LPP: variants seen among roughly 807,000 people sequenced by gnomAD.
LPP encodes LIM domain containing preferred translocation partner in lipoma.
LPP carries 38 observed loss-of-function variants against 60.4 expected under a neutral mutation model. That is an observed-to-expected ratio of 0.63 (90% CI 0.49 to 0.83). LPP has a LOEUF of 0.83. LPP is among the 40% of genes least tolerant of loss of function. The pLI, the probability that LPP is intolerant of heterozygous loss-of-function variation, is 0.00. For missense variants in LPP, 902 were observed against 783.6 expected (o/e 1.15, Z -1.80); for synonymous variants, 328 against 290.8 (o/e 1.13, Z -1.30).
chr3:188,445,709 G>T (rs1387246801), intron 4 of LPP, among the ~76,000 whole-genome samples: 1 of 151,842 alleles, frequency 6.6e-6, no homozygotes, highest in Non-Finnish European at 1.5e-5. Flanking sequence ...AACTCATGAT[G>T]TGCCAGGCAC....
intron 6 of LPP, among the ~76,000 whole-genome samples, chr3:188,606,719 G>A (rs1276295907): frequency 6.6e-6 from 1 of 152,032 alleles, no homozygotes; most frequent in Non-Finnish European, 1.5e-5. Context: ...TACAGAGGAC[G>A]TGGAAAAGGC....
At chr3:188,662,235 T>C (rs1854741261) in intron 7 of LPP, among the ~76,000 whole-genome samples, 1 of 152,242 alleles carries the variant, frequency 6.6e-6, no homozygotes, top group South Asian at 2.1e-4. Flanking sequence ...ATTTGAGCAA[T>C]GTTTCTTGAA....
At chr3:188,413,283 A>T (rs932469790) in intron 4 of LPP, among the ~76,000 whole-genome samples, 1 of 152,134 alleles carries the variant, frequency 6.6e-6, no homozygotes, top group African/African-American at 2.4e-5. Context: ...CCTTTTCCCC[A>T]TGCAAAGAGA....
At chr3:188,821,232 A>C (rs1753878059) in intron 9 of LPP, among the ~76,000 whole-genome samples, 1 of 151,278 alleles carries the variant, frequency 6.6e-6, no homozygotes, top group African/African-American at 2.4e-5. Context: ...AGTTAAAAAG[A>C]AACATGTTTT....
chr3:188,498,317 A>C lies in LPP; in HGVS notation c.306+13613A>C, dbSNP rs373468773. On this transcript the variant is annotated intron_variant, in intron 5 of 11. Coordinates refer to ENST00000617246, the MANE Select transcript of LPP (RefSeq NM_001375462.1). ...CTTCAGAACTCATTTCATCTTGCAA[A>C]ACTGAACCTCTATACCGCTTCACCA... Among the ~76,000 whole-genome samples the C allele has an allele frequency of 1.1e-3, 169 of 152,152 alleles. 1 individual carries two copies. The highest frequency in any genetic ancestry group is 4.0e-3 in the African/African-American group (166 of 41,482).
intron 7 of LPP, among the ~76,000 whole-genome samples, chr3:188,651,444 A>G (rs905578074): frequency 4.6e-5 from 7 of 152,246 alleles, no homozygotes; most frequent in African/African-American, 1.7e-4. Flanking sequence ...TAGACGGGCA[A>G]GGGTAGAAAC....
chr3:188,384,066 A>G (rs866775148), intron 3 of LPP, among the ~76,000 whole-genome samples: 2 of 152,172 alleles, frequency 1.3e-5, no homozygotes, highest in Admixed American at 1.3e-4. Context: ...AGGATACCCA[A>G]CATATTGAAA....
At chr3:188,856,100 GAT>G (rs1204368129) in intron 9 of LPP, among the ~76,000 whole-genome samples, 1 of 152,184 alleles carries the variant, frequency 6.6e-6, no homozygotes, top group Non-Finnish European at 1.5e-5. Flanking sequence ...GTTGGACCTT[GAT>G]TACGGTTAAG....
At chr3:188,733,375 C>A (rs1721355758) in intron 8 of LPP, among the ~76,000 whole-genome samples, 1 of 151,878 alleles carries the variant, frequency 6.6e-6, no homozygotes, top group African/African-American at 2.4e-5. Flanking sequence ...TACAAAGCCT[C>A]TGTAGAAAAC....
At chr3:188,393,457 G>A (rs1271263619) in intron 3 of LPP, among the ~76,000 whole-genome samples, 1 of 152,102 alleles carries the variant, frequency 6.6e-6, no homozygotes, top group Non-Finnish European at 1.5e-5. Context: ...TGGAACTTCT[G>A]GGAGAGGACT....
At chr3:188,673,046 T>C (rs1857268821) in intron 7 of LPP, among the ~76,000 whole-genome samples, 1 of 152,058 alleles carries the variant, frequency 6.6e-6, no homozygotes, top group Admixed American at 6.6e-5. Context: ...TTAATGTGTG[T>C]GCAACATGGT....
chr3:188,608,942 C>G (rs1163746991), intron 6 of LPP, among the ~76,000 whole-genome samples: 2 of 151,858 alleles, frequency 1.3e-5, no homozygotes, highest in Admixed American at 6.6e-5. Flanking sequence ...TTTTTCCTTT[C>G]TTTCCTTTTC....
In LPP at chr3:188,365,116, G is replaced by A. The variant is rs900708732; in HGVS notation, c.-10+23397G>A. On this transcript the variant is annotated intron_variant, in intron 3 of 11. Transcript: ENST00000617246. ...GATGAGTTTTAAGGGTAATAGAAGCGCTTTTTTTTTTTTTTCTGGTGACCT... is the reference window on the plus strand; with the variant it reads ...GATGAGTTTTAAGGGTAATAGAAGCACTTTTTTTTTTTTTTCTGGTGACCT... Among the ~76,000 whole-genome samples the A allele has an allele frequency of 7.2e-5, 10 of 138,540 alleles. No homozygotes were observed. In the East Asian group the frequency reaches 7.3e-4, roughly 10 times the overall value. 90.9% of individuals were successfully genotyped at this position (138,540 alleles called of 152,430 possible). A position where few individuals can be genotyped will look rare whatever the true frequency, so the allele number is the denominator to read the frequency against.
intron 4 of LPP, among the ~76,000 whole-genome samples, chr3:188,430,117 G>C (rs551663366): frequency 6.6e-6 from 1 of 152,046 alleles, no homozygotes; most frequent in East Asian, 1.9e-4. Context: ...TTTATCTATA[G>C]CTTAATAAAT....
At chr3:188,872,070 A>G (rs1337793751) in intron 10 of LPP, among the ~76,000 whole-genome samples, 5 of 152,190 alleles carry the variant, frequency 3.3e-5, no homozygotes, top group Non-Finnish European at 5.9e-5. Flanking sequence ...AGACTTGGCC[A>G]CTTTTAAGTT....
intron 2 of LPP, among the ~76,000 whole-genome samples, chr3:188,332,921 C>T (rs1760536199): frequency 6.7e-6 from 1 of 149,438 alleles, no homozygotes; most frequent in African/African-American, 2.5e-5. Flanking sequence ...CACCCTCCCA[C>T]CCCAGTTGCA....
At chr3:188,367,548 A>C (rs1329706898) in intron 3 of LPP, among the ~76,000 whole-genome samples, 1 of 152,252 alleles carries the variant, frequency 6.6e-6, no homozygotes, top group Non-Finnish European at 1.5e-5. Flanking sequence ...AATAGAGTTA[A>C]ATGTACAAGT....
At chr3:188,809,873 G>T (rs145307178) in intron 9 of LPP, among the ~76,000 whole-genome samples, 4,504 of 152,168 alleles carry the variant, frequency 0.03, 74 homozygotes, top group Non-Finnish European at 0.032. Flanking sequence ...TGTGAGGAAG[G>T]GGTCCAGTTT....
chr3:188,478,083 C>A (rs2149592671), intron 4 of LPP, among the ~76,000 whole-genome samples: 1 of 152,240 alleles, frequency 6.6e-6, no homozygotes, highest in South Asian at 2.1e-4. Flanking sequence ...TGGCATAATT[C>A]ATTGCCTTAT....
Sources: gnomAD v4.1 joint callset for allele counts (sites outside exome capture counted in the v4.1 genomes callset) on GRCh38, gnomAD v4.1.1 for gene constraint, MANE v1.5 for transcripts, NCBI Gene and HGNC (gene_info 2026-07-23, HGNC 2026-07-21) for gene names.